The following KCTD13 variants were observed in gnomAD, a reference collection of about 807,000 sequenced individuals.
The protein encoded by KCTD13 is BTB/POZ domain-containing adapter for CUL3-mediated RhoA degradation protein 1.
In KCTD13, 15 loss-of-function variants were observed where a neutral mutation model predicts 32.3. The observed-to-expected ratio is 0.46, with a 90% CI of 0.31 to 0.71. The LOEUF is 0.71. KCTD13 is among the 30% of genes least tolerant of loss of function. KCTD13 has a pLI of 0.05. For missense variants in KCTD13, 337 were observed against 452.6 expected (o/e 0.74, Z 2.32); for synonymous variants, 189 against 200.1 (o/e 0.94, Z 0.47).
chr16:29,910,936 G>A, intron 5 of KCTD13, 42 bp downstream of exon 5: 1 of 1,573,460 alleles, frequency 6.4e-7, no homozygotes, highest in Non-Finnish European at 8.7e-7. Context: ...CCTGGTCCTG[G>A]CCACCCCCAG....
chr16:29,920,859 G>A (rs2068898891), intron 2 of KCTD13: 1 of 152,168 alleles, frequency 6.6e-6, no homozygotes, highest in Admixed American at 6.6e-5. Flanking sequence ...GTTTGCAGGT[G>A]TCCTGTTATC....
Position 29,926,186 on chromosome 16 carries a change from C to G in KCTD13, c.-153G>C, listed in dbSNP as rs2068996613. The G allele has an allele frequency of 2.2e-6, 2 of 894,368 alleles. No individual in the cohort carries two copies. The highest frequency in any genetic ancestry group is 3.1e-6 in the Non-Finnish European group (2 of 646,338). The allele number at this position is 894,368 out of a possible 1,614,324, so 55.4% of individuals were successfully genotyped here. Reference sequence around the variant, plus strand: ...TACTCTGCAAGACCGGCCCTCCGCCCCATCTCGCTCGCACCACCCGGAAGC... The same window carrying G: ...TACTCTGCAAGACCGGCCCTCCGCCGCATCTCGCTCGCACCACCCGGAAGC... On this transcript the variant is annotated 5_prime_UTR_variant, in exon 1 of 6. Coordinates refer to ENST00000568000, the MANE Select transcript of KCTD13 (RefSeq NM_178863.5).
At chr16:29,924,651 A>T (rs183791834) in intron 1 of KCTD13, among the ~76,000 whole-genome samples, 1 of 151,910 alleles carries the variant, frequency 6.6e-6, no homozygotes, top group Non-Finnish European at 1.5e-5. Context: ...TAATTTTGTC[A>T]GGTTCATTTA....
intron 2 of KCTD13, chr16:29,919,673 C>A (rs1168679522): frequency 2.6e-5 from 4 of 151,930 alleles, no homozygotes; most frequent in Admixed American, 1.3e-4. Flanking sequence ...GTAAAGATGG[C>A]AATTATTAAC....
At chr16:29,917,507 T>G (rs1303020923) in intron 2 of KCTD13, among the ~76,000 whole-genome samples, 2 of 151,648 alleles carry the variant, frequency 1.3e-5, no homozygotes, top group Admixed American at 1.3e-4. Context: ...ATTAGACGGG[T>G]GTGGTGGCTC....
intron 5 of KCTD13, 100 bp downstream of exon 5, chr16:29,910,878 C>T (rs1479082795): frequency 9.2e-7 from 1 of 1,086,776 alleles, no homozygotes; most frequent in Non-Finnish European, 1.3e-6. Context: ...TGGCTCCTGC[C>T]TCCTGGTGGT....
intron 1 of KCTD13, among the ~76,000 whole-genome samples, chr16:29,923,752 G>A (rs185113179): frequency 7.9e-5 from 12 of 152,096 alleles, no homozygotes; most frequent in Non-Finnish European, 1.3e-4. Context: ...CTCGGGGGGG[G>A]GCGAGGCAGG....
intron 2 of KCTD13, among the ~76,000 whole-genome samples, chr16:29,918,405 T>A (rs1218771253): frequency 6.6e-6 from 1 of 152,232 alleles, no homozygotes; most frequent in African/African-American, 2.4e-5. Context: ...GTGAAATACA[T>A]ACATAATATT....
rs748728951 is a variant in KCTD13 at position 29,910,943 on chromosome 16, C to T, written c.753+35G>A. The T allele has an allele frequency of 4.4e-6, 7 of 1,590,660 alleles. No individual in the cohort carries two copies. The African/African-American group carries it at 9.4e-5, about 21-fold the overall frequency. ...TCCAGGGTCCTGGTCCTGGCCACCC[C>T]CAGCCCCCAACATAGGCTCTGGAGC... is the stretch of plus-strand genomic sequence containing the variant. On this transcript the variant is annotated intron_variant, in intron 5 of 5. Transcript: ENST00000568000.
intron 5 of KCTD13, 72 bp from the exon 6 acceptor site, chr16:29,907,180 C>T: frequency 9.3e-7 from 1 of 1,079,452 alleles, no homozygotes. Flanking sequence ...CTGCCTAGGG[C>T]CCCTGCACCA....
chr16:29,908,082 A>T (rs2068644113), intron 5 of KCTD13, among the ~76,000 whole-genome samples: 2 of 151,902 alleles, frequency 1.3e-5, no homozygotes, highest in Non-Finnish European at 2.9e-5. Flanking sequence ...TACAACTTTA[A>T]GAAGGACTCC....
Position 29,925,937 on chromosome 16 carries a change from G to A in KCTD13, c.97C>T (p.Leu33Phe). Residue 33 changes from leucine to phenylalanine, a missense_variant, in exon 1 of 6, where the codon CTC (leucine) becomes TTC (phenylalanine). This residue lies in a region of KCTD13 where 64 missense variants were observed against 59.6 expected (regional missense o/e 1.07). Transcript: ENST00000568000. Reference protein sequence around the residue: ...GLEPGPAAYGLKPLTPNSKYV... With the variant: ...GLEPGPAAYGFKPLTPNSKYV... ...TTGCTGTTCGGGGTCAGCGGCTTGAGACCGTAGGCGGCGGGGCCAGGCTCG... is the reference window on the plus strand; with the variant it reads ...TTGCTGTTCGGGGTCAGCGGCTTGAAACCGTAGGCGGCGGGGCCAGGCTCG... 3 of 1,613,946 alleles carry A rather than the reference G, an allele frequency of 1.9e-6. No individual in the cohort carries two copies. The highest frequency in any genetic ancestry group is 2.5e-6 in the Non-Finnish European group (3 of 1,179,922).
Position 29,925,876 on chromosome 16 carries a change from T to C in KCTD13, c.158A>G (p.Tyr53Cys). 1.2e-6 allele frequency: 2 copies of C among 1,613,986 alleles called. No homozygotes were observed. Among genetic ancestry groups the C allele is most frequent in the East Asian group, 4.5e-5 (2 of 44,846 alleles). Residue 53 changes from tyrosine (Y) to cysteine (C), a missense_variant, in exon 1 of 6, where the codon TAC (tyrosine) becomes TGC (cysteine). Tyr to Cys is a radical substitution (Grantham distance 194). Coordinates refer to ENST00000568000, the MANE Select transcript of KCTD13 (RefSeq NM_178863.5). The stretch of plus-strand genomic sequence containing the variant: ...TCCCGTGAGGGTGCGCAGCGTGGTG[T>C]AGTGCAACGAGCCGCCCACGTTCAG... ...VKLNVGGSLH[Y>C]TTLRTLTGQD...
rs188553906 is a variant in KCTD13 at position 29,922,919 on chromosome 16, G to A, written c.414+271C>T. On this transcript the variant is annotated intron_variant, in intron 2 of 5. Coordinates refer to ENST00000568000, the MANE Select transcript of KCTD13 (RefSeq NM_178863.5). Reference sequence around the variant, plus strand: ...GTTGTGCTGAAAGATAATTACTCAGGTGCGAGTGTAACAGCTGGACTGGCT... The same window carrying A: ...GTTGTGCTGAAAGATAATTACTCAGATGCGAGTGTAACAGCTGGACTGGCT... 1.9e-3 allele frequency: 917 copies of A among 470,494 alleles called. 14 individuals carry two copies. The highest frequency in any genetic ancestry group is 4.3e-4 in the Non-Finnish European group (116 of 267,344). The allele number at this position is 470,494 out of a possible 1,614,324, so 29.1% of individuals were successfully genotyped here.
At position 29,906,605 on chromosome 16, in the gene KCTD13, C is replaced by G; in HGVS notation, c.*267G>C. The G allele has an allele frequency of 1.6e-6, 1 of 636,118 alleles. No individual in the cohort carries two copies. The highest frequency in any genetic ancestry group is 2.9e-6 in the Non-Finnish European group (1 of 341,310). 39.4% of individuals were successfully genotyped at this position (636,118 alleles called of 1,614,324 possible). ...AAGGGAATTCTAAATCCCTCTTAAC[C>G]AGCTGGAGAGGGAAGGACGCAGGGC... On this transcript the variant is annotated 3_prime_UTR_variant, in exon 6 of 6. Coordinates refer to ENST00000568000, the MANE Select transcript of KCTD13 (RefSeq NM_178863.5).
chr16:29,919,663 G>A (rs978445619), intron 2 of KCTD13: 1 of 152,054 alleles, frequency 6.6e-6, no homozygotes, highest in Admixed American at 6.6e-5. Context: ...TTATTGACAT[G>A]TAAAGATGGC....
intron 1 of KCTD13, among the ~76,000 whole-genome samples, chr16:29,925,200 A>G (rs1007327722): frequency 6.6e-6 from 1 of 152,160 alleles, no homozygotes; most frequent in Non-Finnish European, 1.5e-5. Context: ...GGTAAGGTTC[A>G]CCTGCCAAGG....
intron 1 of KCTD13, among the ~76,000 whole-genome samples, chr16:29,924,138 C>T (rs1047003780): frequency 6.6e-6 from 1 of 150,388 alleles, no homozygotes; most frequent in Non-Finnish European, 1.5e-5. Context: ...CGTGCCATTG[C>T]ACTCCAGCCT....
At chr16:29,917,906 C>G (rs1436268449) in intron 2 of KCTD13, among the ~76,000 whole-genome samples, 2 of 152,106 alleles carry the variant, frequency 1.3e-5, no homozygotes, top group Non-Finnish European at 2.9e-5. Context: ...CGAGATGACA[C>G]CATTGAACTC....
Sources: allele counts gnomAD v4.1 joint callset (sites outside exome capture counted in the v4.1 genomes callset), GRCh38; gene constraint gnomAD v4.1.1; regional missense constraint gnomAD v4.1.1; transcripts MANE v1.5; gene names NCBI Gene and HGNC (gene_info 2026-07-23, HGNC 2026-07-21).